Variants in GRAP2 observed in about 807,000 individuals in gnomAD.
The protein encoded by GRAP2 is GRB2 related adaptor protein 2.
GRAP2 carries 31 observed loss-of-function variants against 43.5 expected under a neutral mutation model. The observed-to-expected ratio is 0.71, with a 90% CI of 0.54 to 0.96. GRAP2 has a LOEUF of 0.96. Among genes scored for constraint, GRAP2 ranks in the 40% least tolerant of loss-of-function variants. GRAP2 has a pLI of 0.00. For synonymous variants in GRAP2, 156 were observed against 164.8 expected, an observed-to-expected ratio of 0.95 and a Z score of 0.41; for missense variants, 371 against 424.4, an observed-to-expected ratio of 0.87 and a Z score of 1.11.
chr22:39,964,354 G>A, intron 4 of GRAP2: 1 of 714,378 alleles, frequency 1.4e-6, no homozygotes, highest in Non-Finnish European at 2.5e-6. Flanking sequence ...GGCAGGGTCT[G>A]GGGAAGGGGC....
chr22:39,901,652 A>G (rs972679391), intron 1 of GRAP2, among the ~76,000 whole-genome samples: 3 of 152,196 alleles, frequency 2.0e-5, no homozygotes, highest in African/African-American at 4.8e-5. Context: ...CCACTTCACC[A>G]TGGTCAGAAT....
rs140893553 is a variant in GRAP2 at position 39,904,919 on chromosome 22, T to A, written c.-15+3589T>A. Reference sequence around the variant, plus strand: ...GTTCCTCTACCCACTTTATTTCTCATAAGCTCCAAGTTAGGACTAAAAGCA... The same window carrying A: ...GTTCCTCTACCCACTTTATTTCTCAAAAGCTCCAAGTTAGGACTAAAAGCA... On this transcript the variant is annotated intron_variant, in intron 1 of 7. Coordinates refer to ENST00000344138, the MANE Select transcript of GRAP2 (RefSeq NM_004810.4). Among the ~76,000 whole-genome samples, 5 of 152,342 alleles carry A rather than the reference T, an allele frequency of 3.3e-5. No individual in the cohort carries two copies. In the East Asian group the frequency reaches 9.6e-4, roughly 29 times the overall value.
At chr22:39,914,589 A>G (rs1456121594) in intron 1 of GRAP2, among the ~76,000 whole-genome samples, 1 of 152,208 alleles carries the variant, frequency 6.6e-6, no homozygotes, top group Non-Finnish European at 1.5e-5. Context: ...ATTTCACATC[A>G]TGTCTCTAAG....
At chr22:39,929,734 A>G (rs2145603172) in intron 1 of GRAP2, among the ~76,000 whole-genome samples, 1 of 152,322 alleles carries the variant, frequency 6.6e-6, no homozygotes, top group South Asian at 2.1e-4. Context: ...TTGGAATAGC[A>G]CCCAAATTAA....
intron 1 of GRAP2, among the ~76,000 whole-genome samples, chr22:39,928,948 C>T (rs1192263219): frequency 6.6e-6 from 1 of 152,174 alleles, no homozygotes; most frequent in Non-Finnish European, 1.5e-5. Context: ...GTAATTTTTA[C>T]CTGAGCATTT....
chr22:39,942,614 G>A (rs944056296), intron 1 of GRAP2, among the ~76,000 whole-genome samples: 1 of 147,876 alleles, frequency 6.8e-6, no homozygotes, highest in African/African-American at 2.5e-5. Context: ...GTGAGACCCC[G>A]ATCTCTACCA....
chr22:39,926,703 T>C lies in GRAP2; in HGVS notation c.-14-20390T>C, dbSNP rs541671844. Reference sequence around the variant, plus strand: ...TCGTTGCCATGCATGAGTCGGGGGATTGGTTTTTTTTCCACTGGAAATTGT... The same window carrying C: ...TCGTTGCCATGCATGAGTCGGGGGACTGGTTTTTTTTCCACTGGAAATTGT... On this transcript the variant is annotated intron_variant, in intron 1 of 7. Transcript: ENST00000344138. 8.6e-5 allele frequency: 85 copies of C among 985,288 alleles called. 2 individuals are homozygous for C. The African/African-American group carries it at 1.1e-3, about 13-fold the overall frequency. The allele number at this position is 985,288 out of a possible 1,614,324, so 61.0% of individuals were successfully genotyped here. A position where few individuals can be genotyped will look rare whatever the true frequency, so the allele number is the denominator to read the frequency against.
In GRAP2 at chr22:39,968,511, A is replaced by G. The variant is rs1027990035; in HGVS notation, c.690+239A>G. The G allele has an allele frequency of 5.8e-5, 25 of 434,604 alleles. No homozygotes were observed. The Admixed American group carries it at 7.1e-4, about 12-fold the overall frequency. 26.9% of individuals were successfully genotyped at this position (434,604 alleles called of 1,614,324 possible). On this transcript the variant is annotated intron_variant, in intron 6 of 7. Transcript: ENST00000344138. ...CACACACACACACACACTTAAACTC[A>G]CACACACACACACTTCCCCTGAGGA...
intron 1 of GRAP2, among the ~76,000 whole-genome samples, chr22:39,925,978 T>C (rs1185464391): frequency 1.3e-5 from 2 of 152,212 alleles, no homozygotes; most frequent in African/African-American, 4.8e-5. Context: ...AGCTTCCTCC[T>C]TGGAGCTCCA....
At chr22:39,954,423 G>C (rs551354013) in intron 2 of GRAP2, among the ~76,000 whole-genome samples, 7 of 151,818 alleles carry the variant, frequency 4.6e-5, no homozygotes, top group Non-Finnish European at 1.0e-4. Context: ...TTTGAGAGAG[G>C]CTTGCTCTGT....
At chr22:39,937,163 A>C (rs1263233686) in intron 1 of GRAP2, among the ~76,000 whole-genome samples, 1 of 152,150 alleles carries the variant, frequency 6.6e-6, no homozygotes, top group Non-Finnish European at 1.5e-5. Flanking sequence ...ACCGATTATA[A>C]AGTTCTTGTC....
chr22:39,944,035 G>A (rs535046069), intron 1 of GRAP2, among the ~76,000 whole-genome samples: 9 of 152,198 alleles, frequency 5.9e-5, no homozygotes, highest in Non-Finnish European at 7.4e-5. Flanking sequence ...AGTCAGAAGC[G>A]CTGAAATTGA....
At chr22:39,910,725 A>C (rs2066556151) in intron 1 of GRAP2, among the ~76,000 whole-genome samples, 1 of 149,816 alleles carries the variant, frequency 6.7e-6, no homozygotes, top group Admixed American at 6.6e-5. Context: ...CTTATTCTGT[A>C]CTTACACTGT....
chr22:39,901,278 A>G lies in GRAP2; in HGVS notation c.-67A>G, dbSNP rs772556326. 1 of 1,283,528 alleles carries G rather than the reference A, an allele frequency of 7.8e-7. No individual in the cohort carries two copies. The highest frequency in any genetic ancestry group is 1.2e-5 in the South Asian group (1 of 80,894). The allele number at this position is 1,283,528 out of a possible 1,614,324, so 79.5% of individuals were successfully genotyped here. A position where few individuals can be genotyped will look rare whatever the true frequency, so the allele number is the denominator to read the frequency against. On this transcript the variant is annotated 5_prime_UTR_variant, in exon 1 of 8. Coordinates refer to ENST00000344138, the MANE Select transcript of GRAP2 (RefSeq NM_004810.4). The stretch of plus-strand genomic sequence containing the variant: ...CTCCCTTCTTGCCAGAAAGGATTCT[A>G]ATAACTCGGTGTCAAAGCCAAGACA...
chr22:39,923,339 A>G (rs1249276425), intron 1 of GRAP2, among the ~76,000 whole-genome samples: 1 of 152,236 alleles, frequency 6.6e-6, no homozygotes, highest in Non-Finnish European at 1.5e-5. Flanking sequence ...CTTACTAGCT[A>G]TTCTTTTTAA....
intron 3 of GRAP2, among the ~76,000 whole-genome samples, chr22:39,956,829 C>T (rs1040640376): frequency 2.0e-5 from 3 of 152,188 alleles, no homozygotes; most frequent in Admixed American, 6.5e-5. Context: ...ATTTCAATCA[C>T]GGCGTTCCCC....
chr22:39,929,084 G>C (rs2066731828), intron 1 of GRAP2, among the ~76,000 whole-genome samples: 1 of 152,166 alleles, frequency 6.6e-6, no homozygotes, highest in African/African-American at 2.4e-5. Flanking sequence ...TTTTTACTAA[G>C]GATACTTCCT....
At chr22:39,912,991 G>A (rs1601690986) in intron 1 of GRAP2, among the ~76,000 whole-genome samples, 1 of 152,062 alleles carries the variant, frequency 6.6e-6, no homozygotes, top group Non-Finnish European at 1.5e-5. Flanking sequence ...TCAGGAGTTC[G>A]AGACCAGCCT....
intron 1 of GRAP2, among the ~76,000 whole-genome samples, chr22:39,936,729 G>A (rs1372787814): frequency 6.6e-6 from 1 of 152,048 alleles, no homozygotes; most frequent in East Asian, 1.9e-4. Context: ...GGGGGGGACC[G>A]GCAGAAGAAA....
Sources: allele counts gnomAD v4.1 joint callset (sites outside exome capture counted in the v4.1 genomes callset), GRCh38; gene constraint gnomAD v4.1.1; transcripts MANE v1.5; gene names NCBI Gene and HGNC (gene_info 2026-07-23, HGNC 2026-07-21).